The following PCSK1 variants were observed in gnomAD, a reference collection of about 807,000 sequenced individuals.
PCSK1 encodes the protein neuroendocrine convertase 1.
PCSK1 carries 56 observed loss-of-function variants against 90.6 expected under a neutral mutation model. That is an observed-to-expected ratio of 0.62 (90% CI 0.50 to 0.77). The LOEUF (loss-of-function observed/expected upper bound fraction) is 0.77. PCSK1 is among the 30% of genes least tolerant of loss of function. The pLI, the probability that PCSK1 is intolerant of heterozygous loss-of-function variation, is 0.00. For missense variants in PCSK1, 801 were observed against 932.6 expected (o/e 0.86, Z 1.84); for synonymous variants, 348 against 342.4 (o/e 1.02, Z -0.18).
In PCSK1 at chr5:96,393,045, G is replaced by C; in HGVS notation, c.2218C>G (p.Arg740Gly). 1.2e-6 allele frequency: 2 copies of C among 1,614,008 alleles called. No individual in the cohort carries two copies. The highest frequency in any genetic ancestry group is 2.2e-5 in the South Asian group (2 of 91,064). Residue 740 changes from arginine to glycine, a missense_variant, in exon 14 of 14, where the codon CGG becomes GGG. By Grantham distance (125) the Arg-to-Gly change is moderately radical. Transcript: ENST00000311106. ...ATGTCCACCAGAGCTTGAAGCAGCC[G>C]GTCGTCTCTGTGCTTGTAAGGTTTA... ...NTKPYKHRDD[R>G]LLQALVDILN...
At chr5:96,412,237 T>C in intron 7 of PCSK1, 81 bp downstream of exon 7, 1 of 1,183,006 alleles carries the variant, frequency 8.5e-7, no homozygotes, top group South Asian at 1.2e-5. Flanking sequence ...TGTTATTCCA[T>C]GTAACCTAAG....
intron 5 of PCSK1, among the ~76,000 whole-genome samples, chr5:96,417,423 T>C (rs1346534884): frequency 6.6e-6 from 1 of 152,100 alleles, no homozygotes; most frequent in Non-Finnish European, 1.5e-5. Context: ...TCCTGACTTT[T>C]TGTGATTTTT....
At chr5:96,425,986 T>G in intron 2 of PCSK1, 56 bp from the exon 3 acceptor site, 1 of 921,906 alleles carries the variant, frequency 1.1e-6, no homozygotes, top group Non-Finnish European at 1.8e-6. Flanking sequence ...CTCTGTATAC[T>G]TCCTCTAACT....
Position 96,410,935 on chromosome 5 carries a change from G to GC in PCSK1, c.933dup (p.Arg312AlafsTer5). 3 of 1,613,864 alleles carry GC rather than the reference G, an allele frequency of 1.9e-6. No homozygotes were observed. Among genetic ancestry groups the GC allele is most frequent in the Middle Eastern group, 1.7e-4 (1 of 6,000 alleles). ...TCACAGTCACAATTATCTCCCTGAC[G>GC]CCCCCCGTTTCCCGAAGCCCAGACG... On this transcript the variant is annotated frameshift_variant, in exon 8 of 14. Coordinates refer to ENST00000311106, the MANE Select transcript of PCSK1 (RefSeq NM_000439.5). LOFTEE classifies it high-confidence loss of function.
chr5:96,429,220 T>C lies in PCSK1; in HGVS notation c.278A>G (p.Asp93Gly), dbSNP rs1475015594. 4.6e-6 allele frequency: 7 copies of C among 1,513,926 alleles called. No homozygotes were observed. Among genetic ancestry groups the C allele is most frequent in the Non-Finnish European group, 6.4e-6 (7 of 1,088,658 alleles). 93.8% of individuals were successfully genotyped at this position (1,513,926 alleles called of 1,614,324 possible). Residue 93 changes from aspartate to glycine, a missense_variant, in exon 2 of 14, where the codon GAT (aspartate) becomes GGT (glycine). Physicochemically the swap from Asp to Gly is moderately conservative, Grantham distance 94 (BLOSUM62 -1). Transcript: ENST00000311106. ...AFHITKRLSD[D>G]DRVIWAEQQY... ...CAAATGTACAACACTTACACGATCATCATCAGATAATCTCTTAGTGATATG... is the reference window on the plus strand; with the variant it reads ...CAAATGTACAACACTTACACGATCACCATCAGATAATCTCTTAGTGATATG...
chr5:96,422,926 A>G (rs1761173139), intron 4 of PCSK1, among the ~76,000 whole-genome samples: 1 of 145,044 alleles, frequency 6.9e-6, no homozygotes, highest in Non-Finnish European at 1.5e-5. Context: ...TTACAATGTC[A>G]GGGATATAGA....
At chr5:96,406,204 C>T (rs1488961755) in intron 9 of PCSK1, among the ~76,000 whole-genome samples, 2 of 152,112 alleles carry the variant, frequency 1.3e-5, no homozygotes, top group Non-Finnish European at 2.9e-5. Context: ...AGACTGAACC[C>T]CACAAGTAAA....
At chr5:96,407,631 A>T (rs896738679) in intron 9 of PCSK1, among the ~76,000 whole-genome samples, 1 of 152,216 alleles carries the variant, frequency 6.6e-6, no homozygotes, top group African/African-American at 2.4e-5. Flanking sequence ...GATGACAACT[A>T]ATATTTACTG....
In PCSK1 at chr5:96,431,393, C is replaced by G. The variant is rs552042419; in HGVS notation, c.180+1470G>C. Among the ~76,000 whole-genome samples the G allele has an allele frequency of 5.9e-5, 9 of 152,298 alleles. No homozygotes were observed. The East Asian group carries it at 1.7e-3, about 29-fold the overall frequency. ...TTTTCATTCACCCCTCCCGAATTCCCTACTACTTTCATTCCTTCAACCAAT... is the reference window on the plus strand; with the variant it reads ...TTTTCATTCACCCCTCCCGAATTCCGTACTACTTTCATTCCTTCAACCAAT... On this transcript the variant is annotated intron_variant, in intron 1 of 13. Coordinates refer to ENST00000311106, the MANE Select transcript of PCSK1 (RefSeq NM_000439.5).
At chr5:96,429,709 C>T (rs6889272) in intron 1 of PCSK1, among the ~76,000 whole-genome samples, 48,180 of 151,976 alleles carry the variant, frequency 0.32, 8,389 homozygotes, top group African/African-American at 0.47. Flanking sequence ...ATGCGGTATT[C>T]GGTTTTCTGT....
chr5:96,425,574 C>T (rs1480545505), intron 3 of PCSK1, among the ~76,000 whole-genome samples: 1 of 152,124 alleles, frequency 6.6e-6, no homozygotes, highest in Non-Finnish European at 1.5e-5. Flanking sequence ...CCCAAATAAA[C>T]TTAAGAAGAC....
intron 5 of PCSK1, among the ~76,000 whole-genome samples, chr5:96,419,389 T>A (rs1227313558): frequency 6.8e-6 from 1 of 148,082 alleles, no homozygotes; most frequent in Non-Finnish European, 1.5e-5. Context: ...ACTTATTATA[T>A]ATATATATAT....
chr5:96,398,784 A>G, intron 11 of PCSK1, 95 bp downstream of exon 11: 1 of 1,034,576 alleles, frequency 9.7e-7, no homozygotes, highest in Non-Finnish European at 1.5e-6. Flanking sequence ...ATCTATTAGG[A>G]GACTTTGTTC....
chr5:96,432,451 G>A (rs539517540), intron 1 of PCSK1, among the ~76,000 whole-genome samples: 1 of 152,310 alleles, frequency 6.6e-6, no homozygotes, highest in African/African-American at 2.4e-5. Flanking sequence ...GGCAACAGCC[G>A]GCTCCTGACG....
chr5:96,403,775 T>G (rs1054169409), intron 9 of PCSK1, among the ~76,000 whole-genome samples: 1 of 152,214 alleles, frequency 6.6e-6, no homozygotes, highest in Non-Finnish European at 1.5e-5. Context: ...GCCTAGATCT[T>G]AAAATTTTTC....
At position 96,400,091 on chromosome 5, in the gene PCSK1, G is replaced by T. The variant is rs753632965; in HGVS notation, c.1292C>A (p.Ala431Glu). 1.5e-5 allele frequency: 25 copies of T among 1,614,008 alleles called. No individual in the cohort carries two copies. In the South Asian group the frequency reaches 2.5e-4, roughly 16 times the overall value. The change falls in exon 10 of 14, where the codon GCA becomes GAA. Residue 431 changes from alanine (A) to glutamate (E), a missense_variant. Transcript: ENST00000311106. ...AAATCGACTATTCACCATCAAGCCT[G>T]CTCCATTCTTTTTCCATCCAGGGTT... ...ANNPGWKKNGAGLMVNSRFGF... is the reference protein window; with the variant it reads ...ANNPGWKKNGEGLMVNSRFGF...
intron 4 of PCSK1, 61 bp from the exon 5 acceptor site, chr5:96,422,017 AAAGCATC>A: frequency 1.2e-6 from 1 of 844,106 alleles, no homozygotes. Context: ...AAAAAAAAAA[AAAGCATC>A]ACTTCCCAAG....
intron 13 of PCSK1, among the ~76,000 whole-genome samples, 165 bp from the exon 14 acceptor site, chr5:96,393,543 C>T (rs1760030109): frequency 6.6e-6 from 1 of 152,148 alleles, no homozygotes; most frequent in Admixed American, 6.5e-5. Context: ...CTTCAACCCT[C>T]ATTTGCCTAC....
rs77705102 is a variant in PCSK1, at chr5:96,429,175, C to T, written c.285+38G>A. On this transcript the variant is annotated intron_variant, in intron 2 of 13. Transcript: ENST00000311106. Reference sequence around the variant, plus strand: ...AGAAATCATAAAGAAAGCAGATAAGCTAGAGTATTGGTTTGAAGACAAATG... The same window carrying T: ...AGAAATCATAAAGAAAGCAGATAAGTTAGAGTATTGGTTTGAAGACAAATG... 6,124 of 1,021,896 alleles carry T rather than the reference C, an allele frequency of 6.0e-3. 237 individuals carry two copies. The African/African-American group carries it at 0.086, about 14-fold the overall frequency. 63.3% of individuals were successfully genotyped at this position (1,021,896 alleles called of 1,614,324 possible).
Sources: gnomAD v4.1 joint callset for allele counts (sites outside exome capture counted in the v4.1 genomes callset) on GRCh38, gnomAD v4.1.1 for gene constraint, MANE v1.5 for transcripts, NCBI Gene and HGNC (gene_info 2026-07-23, HGNC 2026-07-21) for gene names.